TMEM132C: variants seen among roughly 807,000 people sequenced by gnomAD.
TMEM132C encodes the protein protein phosphatase 1, regulatory subunit 152.
Under a neutral mutation model 61.4 loss-of-function variants are expected in TMEM132C, and 29 were observed. The observed-to-expected ratio is 0.47, with a 90% CI of 0.35 to 0.64. TMEM132C has a LOEUF of 0.64. TMEM132C is among the 30% of genes least tolerant of loss of function. The probability of loss-of-function intolerance (pLI) is 0.00; values close to 1 mark genes in which losing one functional copy is unlikely to be tolerated. For missense variants in TMEM132C, 1,408 were observed against 1,476.9 expected (o/e 0.95, Z 0.76); for synonymous variants, 656 against 633.1 (o/e 1.04, Z -0.54).
intron 2 of TMEM132C, among the ~76,000 whole-genome samples, chr12:128,416,213 G>A (rs773432279): frequency 1.2e-4 from 19 of 152,090 alleles, no homozygotes; most frequent in Non-Finnish European, 2.6e-4. Flanking sequence ...AATAAACAAA[G>A]CAGCAGCATA....
Position 128,270,933 on chromosome 12 carries a change from T to G in TMEM132C, c.85+3446T>G, listed in dbSNP as rs375806278. 6.5e-4 allele frequency among the ~76,000 whole-genome samples: 99 copies of G among 152,274 alleles called. 1 individual carries two copies. The highest frequency in any genetic ancestry group is 2.2e-3 in the African/African-American group (90 of 41,532). The stretch of plus-strand genomic sequence containing the variant: ...AGTACTGTTTTATCCATACAATTTT[T>G]TTTTTCAAAGGCTCCCAACATTTAA... On this transcript the variant is annotated intron_variant, in intron 1 of 8. Coordinates refer to ENST00000435159, the MANE Select transcript of TMEM132C (RefSeq NM_001136103.3).
At chr12:128,475,433 C>CA (rs1221273272) in intron 2 of TMEM132C, among the ~76,000 whole-genome samples, 7 of 152,024 alleles carry the variant, frequency 4.6e-5, no homozygotes, top group Admixed American at 1.3e-4. Flanking sequence ...CGCTAACTGG[C>CA]ATGCGGTTGC....
At position 128,326,821 on chromosome 12, in the gene TMEM132C, T is replaced by C. The variant is rs745474036; in HGVS notation, c.85+59334T>C. ...ATTTTTTTTTTCTTTCTTAACAACG[T>C]AGTAAAACAGCACTCAGGAATTAAT... On this transcript the variant is annotated intron_variant, in intron 1 of 8. Coordinates refer to ENST00000435159, the MANE Select transcript of TMEM132C (RefSeq NM_001136103.3). The surrounding 1 kb of genome is among the most constrained non-coding windows in gnomAD (Gnocchi z 5.6). 2.1e-5 allele frequency among the ~76,000 whole-genome samples: 3 copies of C among 140,824 alleles called. 1 individual carries two copies. The highest frequency in any genetic ancestry group is 6.5e-5 in the African/African-American group (2 of 30,772). The allele number at this position is 140,824 out of a possible 152,430, so 92.4% of individuals were successfully genotyped here.
intron 4 of TMEM132C, among the ~76,000 whole-genome samples, chr12:128,646,003 G>A (rs1265486146): frequency 6.6e-6 from 1 of 151,662 alleles, no homozygotes; most frequent in African/African-American, 2.4e-5. Flanking sequence ...GTCCATCAGT[G>A]TTGGATGAGT....
intron 3 of TMEM132C, among the ~76,000 whole-genome samples, chr12:128,604,438 TAG>T (rs1491231719): frequency 6.7e-6 from 1 of 149,576 alleles, no homozygotes; most frequent in African/African-American, 2.5e-5. Flanking sequence ...GATAGATAGA[TAG>T]ATAGATAGAT....
intron 3 of TMEM132C, among the ~76,000 whole-genome samples, chr12:128,562,437 G>T (rs1438097281): frequency 6.6e-6 from 1 of 152,030 alleles, no homozygotes; most frequent in Non-Finnish European, 1.5e-5. Context: ...TCTGTTTTCA[G>T]CATCACATTA....
At chr12:128,506,799 T>C (rs1023759134) in intron 2 of TMEM132C, among the ~76,000 whole-genome samples, 4 of 152,276 alleles carry the variant, frequency 2.6e-5, no homozygotes, top group African/African-American at 7.2e-5. Context: ...TTCATCTCCA[T>C]TGGCCACAGT....
intron 2 of TMEM132C, among the ~76,000 whole-genome samples, chr12:128,534,252 A>G (rs1873438032): frequency 6.6e-6 from 1 of 152,240 alleles, no homozygotes; most frequent in African/African-American, 2.4e-5. Flanking sequence ...GAGTAGGAGC[A>G]TCAGTGATCA....
intron 3 of TMEM132C, among the ~76,000 whole-genome samples, chr12:128,553,712 C>T (rs1874245345): frequency 6.6e-6 from 1 of 152,200 alleles, no homozygotes; most frequent in Non-Finnish European, 1.5e-5. Flanking sequence ...TCATGGAGCA[C>T]AGGGAGCTGC....
intron 1 of TMEM132C, among the ~76,000 whole-genome samples, chr12:128,385,073 A>C (rs1300004152): frequency 6.6e-6 from 1 of 152,202 alleles, no homozygotes; most frequent in African/African-American, 2.4e-5. Context: ...GGATGGCAAC[A>C]GCGTGATGAG....
intron 2 of TMEM132C, among the ~76,000 whole-genome samples, chr12:128,446,418 C>T (rs1869982553): frequency 6.6e-6 from 1 of 152,242 alleles, no homozygotes; most frequent in African/African-American, 2.4e-5. Flanking sequence ...TGCCAAGCGT[C>T]TTCCGTAAGA....
chr12:128,380,321 G>T (rs1476689884), intron 1 of TMEM132C, among the ~76,000 whole-genome samples: 1 of 152,238 alleles, frequency 6.6e-6, no homozygotes, highest in Admixed American at 6.5e-5. Flanking sequence ...ATAAATCAGA[G>T]AATCCATGTA....
At chr12:128,375,058 G>C (rs1030336062) in intron 1 of TMEM132C, among the ~76,000 whole-genome samples, 1 of 151,794 alleles carries the variant, frequency 6.6e-6, no homozygotes, top group East Asian at 1.9e-4. Context: ...GGGGTATCCT[G>C]TGTACTATGC....
intron 4 of TMEM132C, among the ~76,000 whole-genome samples, chr12:128,666,197 A>G (rs1035246329): frequency 4.0e-5 from 6 of 148,718 alleles, no homozygotes; most frequent in African/African-American, 7.5e-5. Context: ...ACACAGGCAC[A>G]TGTACCCATA....
At chr12:128,632,198 A>G (rs1233760979) in intron 4 of TMEM132C, among the ~76,000 whole-genome samples, 4 of 152,236 alleles carry the variant, frequency 2.6e-5, no homozygotes, top group Non-Finnish European at 5.9e-5. Flanking sequence ...AATTCTGCCA[A>G]TGTTATGAAG....
chr12:128,702,706 A>G (rs571329940), intron 8 of TMEM132C, among the ~76,000 whole-genome samples: 3 of 152,318 alleles, frequency 2.0e-5, no homozygotes, highest in Admixed American at 1.3e-4. Context: ...AGAGGTAGTT[A>G]TCCCACCCAA....
intron 1 of TMEM132C, among the ~76,000 whole-genome samples, chr12:128,354,161 A>G (rs899899585): frequency 3.3e-5 from 5 of 151,982 alleles, no homozygotes; most frequent in Admixed American, 2.0e-4. Context: ...TTGGCTCAGA[A>G]AGAGACAGAC....
rs559492532 is a variant in TMEM132C at position 128,584,100 on chromosome 12, G to T, written c.1122-32052G>T. Among the ~76,000 whole-genome samples the T allele has an allele frequency of 8.6e-4, 131 of 152,360 alleles. No homozygotes were observed. In the South Asian group the frequency reaches 9.7e-3, roughly 11 times the overall value. On this transcript the variant is annotated intron_variant, in intron 3 of 8. Coordinates refer to ENST00000435159, the MANE Select transcript of TMEM132C (RefSeq NM_001136103.3). The stretch of plus-strand genomic sequence containing the variant: ...TTCTTAATCCAAACTGAAAGAGGCA[G>T]ATGATCCACTGTTGAGGCAATCTTC...
chr12:128,300,493 C>T (rs886799392), intron 1 of TMEM132C, among the ~76,000 whole-genome samples: 1 of 152,152 alleles, frequency 6.6e-6, no homozygotes, highest in Non-Finnish European at 1.5e-5. Context: ...TTTTTCACAG[C>T]ATAGTTGTGG....
Sources: allele counts gnomAD v4.1 joint callset (sites outside exome capture counted in the v4.1 genomes callset), GRCh38; gene constraint gnomAD v4.1.1; non-coding constraint Gnocchi (gnomAD v3.1); transcripts MANE v1.5; gene names NCBI Gene and HGNC (gene_info 2026-07-23, HGNC 2026-07-21).